The following RBBP4 variants were observed in gnomAD, a reference collection of about 807,000 sequenced individuals.
The protein encoded by RBBP4 is RB binding protein 4, chromatin remodeling factor, also known as histone-binding protein RBBP4.
A neutral mutation model predicts 57.2 loss-of-function variants in RBBP4; 3 were observed. The ratio of observed to expected loss-of-function variants is 0.05; its 90% confidence interval spans 0.02 to 0.14. The LOEUF (loss-of-function observed/expected upper bound fraction) is 0.14, where lower values mean the gene tolerates loss of function less well. Among genes scored for constraint, RBBP4 ranks in the 10% least tolerant of loss-of-function variants. The pLI is 1.00. For missense variants in RBBP4, 107 were observed against 520.6 expected (o/e 0.21, Z 7.73); for synonymous variants, 151 against 171.5 (o/e 0.88, Z 0.93).
chr1:32,653,174 A>T (rs1451145931), intron 2 of RBBP4, among the ~76,000 whole-genome samples: 1 of 152,188 alleles, frequency 6.6e-6, no homozygotes, highest in African/African-American at 2.4e-5. Flanking sequence ...TATAATTAGC[A>T]TAAAAGTGGT....
rs777225791 is a variant in RBBP4, at chr1:32,681,846, A to G, written c.*2141A>G. The G allele has an allele frequency of 6.2e-7, 1 of 1,614,136 alleles. No individual in the cohort carries two copies. Among genetic ancestry groups the G allele is most frequent in the Non-Finnish European group, 8.5e-7 (1 of 1,180,008 alleles). ...TTCCGGGTTACAGATTTGGCCATAT[A>G]TTTCTAAACAGCCCCTGTAAAGTTG... On this transcript the variant is annotated 3_prime_UTR_variant, in exon 12 of 12. Coordinates refer to ENST00000373493, the MANE Select transcript of RBBP4 (RefSeq NM_005610.3).
chr1:32,672,541 C>A lies in RBBP4; in HGVS notation c.1043+15C>A, dbSNP rs201131556. ...TGGGATTTAAGGTAATTCTTGTATT[C>A]ATTCCTCTCTCTACATAATTATTTC... On this transcript the variant is annotated intron_variant, in intron 9 of 11. Transcript: ENST00000373493. 1 of 1,599,194 alleles carries A rather than the reference C, an allele frequency of 6.3e-7. No homozygotes were observed. The highest frequency in any genetic ancestry group is 2.2e-5 in the East Asian group (1 of 44,798).
chr1:32,668,179 A>G, intron 3 of RBBP4, 46 bp from the exon 4 acceptor site: 1 of 1,555,148 alleles, frequency 6.4e-7, no homozygotes, highest in South Asian at 1.1e-5. Flanking sequence ...GGTAACCTCT[A>G]GAGTAGCTCT....
At chr1:32,657,884 G>A (rs1437076047) in intron 3 of RBBP4, among the ~76,000 whole-genome samples, 4 of 151,820 alleles carry the variant, frequency 2.6e-5, no homozygotes, top group Non-Finnish European at 4.4e-5. Flanking sequence ...ACTCAGTCTC[G>A]CTCTATTGCC....
chr1:32,670,275 A>G (rs1648814686), intron 8 of RBBP4, among the ~76,000 whole-genome samples: 1 of 152,092 alleles, frequency 6.6e-6, no homozygotes, highest in Non-Finnish European at 1.5e-5. Flanking sequence ...CCTTCTTCCA[A>G]TATATTCTTC....
intron 3 of RBBP4, among the ~76,000 whole-genome samples, chr1:32,662,084 C>CT (rs1648443848): frequency 6.6e-6 from 1 of 150,792 alleles, no homozygotes; most frequent in Non-Finnish European, 1.5e-5. Flanking sequence ...TGAGGTTTTA[C>CT]TATGTTGGCC....
In RBBP4 at chr1:32,684,309, T is replaced by C. The variant is rs762737494; in HGVS notation, c.*4604T>C. 3 of 1,614,082 alleles carry C rather than the reference T, an allele frequency of 1.9e-6. No homozygotes were observed. The highest frequency in any genetic ancestry group is 2.2e-5 in the South Asian group (2 of 91,090). On this transcript the variant is annotated 3_prime_UTR_variant, in exon 12 of 12. Coordinates refer to ENST00000373493, the MANE Select transcript of RBBP4 (RefSeq NM_005610.3). Reference sequence around the variant, plus strand: ...ACTGAGCCTTAGCTGTTCCATCTCTTTGTTCTTCTGTTGCTGGAGTTGCAC... The same window carrying C: ...ACTGAGCCTTAGCTGTTCCATCTCTCTGTTCTTCTGTTGCTGGAGTTGCAC...
rs755634379 is a variant in RBBP4, at chr1:32,681,842, A to G, written c.*2137A>G. 8.1e-6 allele frequency: 13 copies of G among 1,614,050 alleles called. No individual in the cohort carries two copies. In the African/African-American group the frequency reaches 1.5e-4, roughly 18 times the overall value. On this transcript the variant is annotated 3_prime_UTR_variant, in exon 12 of 12. Coordinates refer to ENST00000373493, the MANE Select transcript of RBBP4 (RefSeq NM_005610.3). ...CTGTTTCCGGGTTACAGATTTGGCC[A>G]TATATTTCTAAACAGCCCCTGTAAA... is the stretch of plus-strand genomic sequence containing the variant.
chr1:32,667,743 T>G (rs559473787), intron 3 of RBBP4, among the ~76,000 whole-genome samples: 2 of 152,322 alleles, frequency 1.3e-5, no homozygotes, highest in Non-Finnish European at 2.9e-5. Flanking sequence ...CAAGACCTCC[T>G]TTGGATACCA....
intron 1 of RBBP4, chr1:32,651,673 G>A: frequency 2.7e-6 from 2 of 733,462 alleles, no homozygotes; most frequent in Non-Finnish European, 4.2e-6. Flanking sequence ...CGGCGCGCAC[G>A]AGCGTGCTCC....
intron 8 of RBBP4, among the ~76,000 whole-genome samples, chr1:32,670,348 T>C (rs1557858272): frequency 6.6e-6 from 1 of 152,182 alleles, no homozygotes; most frequent in Non-Finnish European, 1.5e-5. Context: ...TGGCTCCATA[T>C]TTTCTACCTC....
chr1:32,670,853 C>T (rs1486287427), intron 8 of RBBP4, among the ~76,000 whole-genome samples: 7 of 152,150 alleles, frequency 4.6e-5, no homozygotes, highest in Non-Finnish European at 8.8e-5. Context: ...GTGAAGGTGG[C>T]GTCTGAACTG....
chr1:32,671,338 G>A (rs1648866294), intron 8 of RBBP4, among the ~76,000 whole-genome samples: 1 of 152,106 alleles, frequency 6.6e-6, no homozygotes, highest in Admixed American at 6.6e-5. Flanking sequence ...TAATCTCAGC[G>A]CTTTGGGAGG....
intron 2 of RBBP4, chr1:32,652,547 GTTTTTC>G (rs1557848276): frequency 6.5e-6 from 1 of 153,068 alleles, no homozygotes; most frequent in Admixed American, 6.5e-5. Context: ...AAAATTTTTT[GTTTTTC>G]TTTTTGAGAC....
Position 32,684,037 on chromosome 1 carries a change from C to T in RBBP4, c.*4332C>T. ...TGAGACTGTGTCTCCATTCCACCTG[C>T]CTGAGAAGTGGGAGCATCAGCCTGT... On this transcript the variant is annotated 3_prime_UTR_variant, in exon 12 of 12. Transcript: ENST00000373493. 1 of 1,614,192 alleles carries T rather than the reference C, an allele frequency of 6.2e-7. No individual in the cohort carries two copies. Among genetic ancestry groups the T allele is most frequent in the Non-Finnish European group, 8.5e-7 (1 of 1,180,030 alleles).
rs765501303 is a variant in RBBP4, at chr1:32,668,998, C to T, written c.627C>T (p.Ala209=). The change falls in exon 6 of 12, where the codon GCC becomes GCT. Residue 209 remains alanine, a synonymous_variant. Coordinates refer to ENST00000373493, the MANE Select transcript of RBBP4 (RefSeq NM_005610.3). ...DHTICLWDIS[A]VPKEGKVVDA... ...CCATCTGCCTGTGGGACATCAGTGC[C>T]GTTCCAAAGGAGGGAAAAGTGGTAG... The T allele has an allele frequency of 9.3e-6, 15 of 1,613,922 alleles. No homozygotes were observed. The highest frequency in any genetic ancestry group is 1.7e-5 in the Admixed American group (1 of 59,968).
chr1:32,669,399 G>GT lies in RBBP4; in HGVS notation c.888+49dup, dbSNP rs752341643. On this transcript the variant is annotated intron_variant, in intron 7 of 11. Transcript: ENST00000373493. This position sits in a 1 kb window ranked among gnomAD's most constrained non-coding sequence, Gnocchi z 4.9. ...TTAATAGAAAACATAATTTCTCTAG[G>GT]TTTTTTTGAATTGCAGAGATATTTT... 4 of 1,570,348 alleles carry GT rather than the reference G, an allele frequency of 2.5e-6. No homozygotes were observed. Among genetic ancestry groups the GT allele is most frequent in the African/African-American group, 1.4e-5 (1 of 72,148 alleles).
At chr1:32,670,226 A>G (rs1022725732) in intron 8 of RBBP4, among the ~76,000 whole-genome samples, 2 of 152,084 alleles carry the variant, frequency 1.3e-5, no homozygotes, top group African/African-American at 2.4e-5. Context: ...GTGCCTGATT[A>G]TTTTTTCAGC....
rs1011661357 is a variant in RBBP4 at position 32,671,163 on chromosome 1, CTT to C, written c.967-1286_967-1285del. Reference sequence around the variant, plus strand: ...TTGCATGGAGTCATTTTTAATCAGACTTATATGTAATACAGAACTCATAGTAA... The same window carrying C: ...TTGCATGGAGTCATTTTTAATCAGACATATGTAATACAGAACTCATAGTAA... On this transcript the variant is annotated intron_variant, in intron 8 of 11. Transcript: ENST00000373493. Among the ~76,000 whole-genome samples the C allele has an allele frequency of 8.5e-5, 13 of 152,050 alleles. 1 individual carries two copies. Among genetic ancestry groups the C allele is most frequent in the East Asian group, 1.9e-4 (1 of 5,190 alleles).
Sources: allele counts gnomAD v4.1 joint callset (sites outside exome capture counted in the v4.1 genomes callset), GRCh38; gene constraint gnomAD v4.1.1; non-coding constraint Gnocchi (gnomAD v3.1); transcripts MANE v1.5; gene names NCBI Gene and HGNC (gene_info 2026-07-23, HGNC 2026-07-21).